CAPN7: variants seen among roughly 807,000 people sequenced by gnomAD.
CAPN7 encodes calpain 7, also known as calpain-7.
CAPN7 carries 72 observed loss-of-function variants against 115.2 expected under a neutral mutation model. The ratio of observed to expected loss-of-function variants is 0.63; its 90% confidence interval spans 0.52 to 0.76. CAPN7 has a LOEUF of 0.76. Ranked by LOEUF, CAPN7 falls within the 30% of genes least tolerant of loss-of-function variation. The probability of loss-of-function intolerance (pLI) is 0.00; values close to 1 mark genes in which losing one functional copy is unlikely to be tolerated. For synonymous variants in CAPN7, 344 were observed against 322.3 expected, an observed-to-expected ratio of 1.07 and a Z score of -0.72; for missense variants, 905 against 971.5, an observed-to-expected ratio of 0.93 and a Z score of 0.91.
intron 4 of CAPN7, 102 bp from the exon 5 acceptor site, chr3:15,220,679 C>T: frequency 1.1e-6 from 1 of 913,982 alleles, no homozygotes; most frequent in Non-Finnish European, 1.7e-6. Flanking sequence ...ACTAATTTTA[C>T]ATTAGGGATG....
chr3:15,238,728 G>C (rs916069095), intron 12 of CAPN7, among the ~76,000 whole-genome samples: 1 of 152,008 alleles, frequency 6.6e-6, no homozygotes, highest in African/African-American at 2.4e-5. Flanking sequence ...TACATCTCCA[G>C]ATCAGGGTGC....
chr3:15,211,331 T>G (rs2044931452), intron 1 of CAPN7, among the ~76,000 whole-genome samples: 1 of 152,212 alleles, frequency 6.6e-6, no homozygotes, highest in Admixed American at 6.5e-5. Context: ...GGTATATAAT[T>G]TTAAATCTGA....
intron 2 of CAPN7, 47 bp downstream of exon 2, chr3:15,212,259 C>T: frequency 9.8e-7 from 1 of 1,021,908 alleles, no homozygotes; most frequent in South Asian, 1.6e-5. Flanking sequence ...TTCTTTTCTC[C>T]CATCATGTCT....
intron 11 of CAPN7, 76 bp from the exon 12 acceptor site, chr3:15,234,949 C>T: frequency 4.3e-6 from 6 of 1,379,336 alleles, no homozygotes; most frequent in African/African-American, 1.4e-5. Flanking sequence ...AGCCATTAGA[C>T]TAAAAGATAA....
At chr3:15,219,185 A>G (rs1436408270) in intron 4 of CAPN7, among the ~76,000 whole-genome samples, 1 of 152,218 alleles carries the variant, frequency 6.6e-6, no homozygotes, top group Non-Finnish European at 1.5e-5. Flanking sequence ...GCTGTAACCA[A>G]GTACCCAGCA....
At chr3:15,209,916 T>G (rs571280144) in intron 1 of CAPN7, among the ~76,000 whole-genome samples, 1 of 152,324 alleles carries the variant, frequency 6.6e-6, no homozygotes, top group South Asian at 2.1e-4. Flanking sequence ...TGCCCAGTCC[T>G]TTCTATAAGC....
At chr3:15,227,747 G>T in intron 6 of CAPN7, 92 bp from the exon 7 acceptor site, 1 of 794,952 alleles carries the variant, frequency 1.3e-6, no homozygotes, top group South Asian at 3.4e-5. Context: ...ATAATCACTA[G>T]ACCAAAAAAA....
At chr3:15,210,921 A>G (rs2044902363) in intron 1 of CAPN7, 1 of 1,208,570 alleles carries the variant, frequency 8.3e-7, no homozygotes, top group South Asian at 1.4e-5. Context: ...ACTGCAGAGA[A>G]GGTGCTGTTA....
At chr3:15,250,110 AG>A (rs2125020936) in intron 19 of CAPN7, among the ~76,000 whole-genome samples, 1 of 149,882 alleles carries the variant, frequency 6.7e-6, no homozygotes, top group East Asian at 2.1e-4. Context: ...TGGTGGCTCA[AG>A]GCTGTAATCC....
At chr3:15,206,799 G>T (rs1467357388) in intron 1 of CAPN7, among the ~76,000 whole-genome samples, 1 of 152,218 alleles carries the variant, frequency 6.6e-6, no homozygotes, top group African/African-American at 2.4e-5. Flanking sequence ...GCTGGGTCGC[G>T]GCTTGCAGCC....
chr3:15,247,015 A>G (rs912212856), intron 18 of CAPN7, among the ~76,000 whole-genome samples: 1 of 152,246 alleles, frequency 6.6e-6, no homozygotes, highest in African/African-American at 2.4e-5. Flanking sequence ...TTTGGTTGTT[A>G]GAGAAGGCAA....
rs533687215 is a variant in CAPN7, at chr3:15,209,605, T to C, written c.103-2499T>C. On this transcript the variant is annotated intron_variant, in intron 1 of 20. Coordinates refer to ENST00000253693, the MANE Select transcript of CAPN7 (RefSeq NM_014296.3). Reference sequence around the variant, plus strand: ...TCTCATTCTATTATAATCTGCTTTATGTTTAGAGAGTTTTGGTGCATTTCA... The same window carrying C: ...TCTCATTCTATTATAATCTGCTTTACGTTTAGAGAGTTTTGGTGCATTTCA... Among the ~76,000 whole-genome samples the C allele has an allele frequency of 1.7e-3, 252 of 152,376 alleles. 2 individuals are homozygous for C. Among genetic ancestry groups the C allele is most frequent in the African/African-American group, 5.3e-3 (222 of 41,592 alleles).
Position 15,217,404 on chromosome 3 carries a change from G to A in CAPN7, c.212-21G>A, listed in dbSNP as rs201431044. 5.7e-6 allele frequency: 9 copies of A among 1,566,332 alleles called. No individual in the cohort carries two copies. The African/African-American group carries it at 7.0e-5, about 12-fold the overall frequency. On this transcript the variant is annotated intron_variant, in intron 2 of 20. Transcript: ENST00000253693. ...TGTATTTAGATAATACTCCTTCTGCGTATTTTTTTTTCTATCCTAGTTCAG... is the reference window on the plus strand; with the variant it reads ...TGTATTTAGATAATACTCCTTCTGCATATTTTTTTTTCTATCCTAGTTCAG...
At chr3:15,214,312 T>A (rs1559385765) in intron 2 of CAPN7, among the ~76,000 whole-genome samples, 1 of 152,238 alleles carries the variant, frequency 6.6e-6, no homozygotes, top group South Asian at 2.1e-4. Flanking sequence ...AAAAGTCCTT[T>A]TTCAAATAAA....
chr3:15,251,382 TA>T lies in CAPN7; in HGVS notation c.*123del. The T allele has an allele frequency of 4.8e-6, 4 of 838,972 alleles. No homozygotes were observed. The highest frequency in any genetic ancestry group is 7.4e-6 in the Non-Finnish European group (4 of 542,292). 52.0% of individuals were successfully genotyped at this position (838,972 alleles called of 1,614,324 possible). A position where few individuals can be genotyped will look rare whatever the true frequency, so the allele number is the denominator to read the frequency against. On this transcript the variant is annotated 3_prime_UTR_variant, in exon 21 of 21. Coordinates refer to ENST00000253693, the MANE Select transcript of CAPN7 (RefSeq NM_014296.3). ...TGGAATTAAATCTCTAAAAACGTGT[TA>T]CAGTGGAATCTGGTGCTTGTCAGGG... is the stretch of plus-strand genomic sequence containing the variant.
At chr3:15,240,089 G>C (rs955906200) in intron 12 of CAPN7, among the ~76,000 whole-genome samples, 1 of 152,244 alleles carries the variant, frequency 6.6e-6, no homozygotes, top group African/African-American at 2.4e-5. Flanking sequence ...CTCTAAGGCA[G>C]TACTGTCTAA....
At chr3:15,245,431 G>A in intron 16 of CAPN7, 95 bp from the exon 17 acceptor site, 6 of 1,094,570 alleles carry the variant, frequency 5.5e-6, no homozygotes, top group South Asian at 1.6e-5. Flanking sequence ...ATCAGTTAAG[G>A]AGATGTCCAT....
chr3:15,245,444 A>G lies in CAPN7; in HGVS notation c.1865-82A>G, dbSNP rs1695601694. 4.7e-6 allele frequency: 6 copies of G among 1,272,328 alleles called. No individual in the cohort carries two copies. The East Asian group carries it at 1.4e-4, about 30-fold the overall frequency. The allele number at this position is 1,272,328 out of a possible 1,614,324, so 78.8% of individuals were successfully genotyped here. A position where few individuals can be genotyped will look rare whatever the true frequency, so the allele number is the denominator to read the frequency against. On this transcript the variant is annotated intron_variant, in intron 16 of 20. Coordinates refer to ENST00000253693, the MANE Select transcript of CAPN7 (RefSeq NM_014296.3). ...GAATCAGTTAAGGAGATGTCCATCCAAGTAATTATTTTTCCTACATCAACC... is the reference window on the plus strand; with the variant it reads ...GAATCAGTTAAGGAGATGTCCATCCGAGTAATTATTTTTCCTACATCAACC...
At chr3:15,227,750 CAAA>C in intron 6 of CAPN7, 86 bp from the exon 7 acceptor site, 1 of 767,358 alleles carries the variant, frequency 1.3e-6, no homozygotes, top group East Asian at 3.5e-5. Context: ...ATCACTAGAC[CAAA>C]AAAAAAATCT....
Sources: gnomAD v4.1 joint callset for allele counts (sites outside exome capture counted in the v4.1 genomes callset) on GRCh38, gnomAD v4.1.1 for gene constraint, MANE v1.5 for transcripts, NCBI Gene and HGNC (gene_info 2026-07-23, HGNC 2026-07-21) for gene names.